The following TSHZ2 variants were observed in gnomAD, a reference collection of about 807,000 sequenced individuals.
TSHZ2 encodes the protein teashirt homolog 2.
Under a neutral mutation model 74.4 loss-of-function variants are expected in TSHZ2, and 21 were observed. The ratio of observed to expected loss-of-function variants is 0.28; its 90% CI spans 0.20 to 0.41. TSHZ2 has a LOEUF of 0.41. Ranked by LOEUF, TSHZ2 falls within the 10% of genes least tolerant of loss-of-function variation. The probability of loss-of-function intolerance (pLI) is 1.00; values close to 1 mark genes in which losing one functional copy is unlikely to be tolerated. For synonymous variants in TSHZ2, 540 were observed against 515.3 expected (o/e 1.05, Z -0.65); for missense variants, 1,244 against 1,293.5 (o/e 0.96, Z 0.59).
At chr20:53,323,662 G>A (rs1325166468) in intron 2 of TSHZ2, among the ~76,000 whole-genome samples, 7 of 126,498 alleles carry the variant, frequency 5.5e-5, no homozygotes, top group African/African-American at 1.2e-4. Context: ...TGCAACCTCC[G>A]ACTCCCAGGT....
chr20:53,269,654 TTAGAA>T (rs1477400514), intron 2 of TSHZ2, among the ~76,000 whole-genome samples: 1 of 152,198 alleles, frequency 6.6e-6, no homozygotes, highest in African/African-American at 2.4e-5. Context: ...ACACACGAAC[TTAGAA>T]TAGTGCCTGG....
chr20:52,977,421 TACACACACAC>T (rs36230826), intron 1 of TSHZ2, among the ~76,000 whole-genome samples: 3,172 of 141,450 alleles, frequency 0.022, 69 homozygotes, highest in Admixed American at 0.058. Flanking sequence ...AATGGAAAAA[TACACACACAC>T]ACACACACAC....
rs71675648 is a variant in TSHZ2, at chr20:53,223,898, A to AACACACAC, written c.41-29574_41-29567dup. Among the ~76,000 whole-genome samples the AACACACAC allele has an allele frequency of 2.2e-3, 317 of 145,498 alleles. 2 individuals carry two copies. Among genetic ancestry groups the AACACACAC allele is most frequent in the African/African-American group, 7.7e-3 (303 of 39,266 alleles). On this transcript the variant is annotated intron_variant, in intron 1 of 2. Transcript: ENST00000371497. ...ATGTGAAAAAAATGTTACAGGACTA[A>AACACACAC]ACACACACACACACACACACACACA... is the stretch of plus-strand genomic sequence containing the variant.
intron 2 of TSHZ2, among the ~76,000 whole-genome samples, chr20:53,274,003 G>A (rs990462942): frequency 1.1e-4 from 17 of 152,136 alleles, no homozygotes; most frequent in Admixed American, 7.2e-4. Flanking sequence ...ACTAGTGGCC[G>A]GGCGCAGTGA....
chr20:53,246,979 T>C (rs185271228), intron 1 of TSHZ2, among the ~76,000 whole-genome samples: 7 of 152,324 alleles, frequency 4.6e-5, no homozygotes, highest in Admixed American at 4.6e-4. Flanking sequence ...ATTGTTGTTT[T>C]GATGACCACC....
At chr20:53,100,743 C>A (rs1032580846) in intron 1 of TSHZ2, among the ~76,000 whole-genome samples, 3 of 152,216 alleles carry the variant, frequency 2.0e-5, no homozygotes, top group Non-Finnish European at 4.4e-5. Context: ...AAATCACATT[C>A]CACTGCCTTT....
rs1319183835 is a variant in TSHZ2, at chr20:53,254,777, C to A, written c.1319C>A (p.Ser440Tyr). Residue 440 changes from serine (S) to tyrosine (Y), a missense_variant, in exon 2 of 3, where the codon TCT becomes TAT. Ser to Tyr is a moderately radical substitution (Grantham distance 144, BLOSUM62 -2). Around this residue, in one of 6 missense-constraint regions of TSHZ2, gnomAD observed 562 missense variants for 544.0 expected, o/e 1.03. Transcript: ENST00000371497. ...TTGTCTGAGGCCCCAAACAGTGATT[C>A]TCTGGCTCCCAAGCCATCCAGTAAC... The part of the protein sequence containing the change: ...QSLSEAPNSD[S>Y]LAPKPSSNSA... 6.2e-7 allele frequency: 1 copy of A among 1,613,140 alleles called. No individual in the cohort carries two copies. The highest frequency in any genetic ancestry group is 1.3e-5 in the African/African-American group (1 of 74,914).
At chr20:53,080,775 G>A (rs1203734842) in intron 1 of TSHZ2, among the ~76,000 whole-genome samples, 3 of 152,096 alleles carry the variant, frequency 2.0e-5, no homozygotes, top group East Asian at 1.9e-4. Flanking sequence ...GTACCGGCCC[G>A]CGGCCCAGGG....
chr20:53,280,818 G>A (rs1445884230), intron 2 of TSHZ2, among the ~76,000 whole-genome samples: 3 of 151,906 alleles, frequency 2.0e-5, no homozygotes, highest in Non-Finnish European at 2.9e-5. Flanking sequence ...TCAACCTCCC[G>A]AGTAGCTGGG....
At chr20:53,136,614 A>G (rs1227032946) in intron 1 of TSHZ2, among the ~76,000 whole-genome samples, 1 of 152,168 alleles carries the variant, frequency 6.6e-6, no homozygotes, top group Non-Finnish European at 1.5e-5. Context: ...AAAGTATCCA[A>G]TCTCCCTCCC....
chr20:53,282,684 T>TG (rs1242867003), intron 2 of TSHZ2, among the ~76,000 whole-genome samples: 1 of 152,242 alleles, frequency 6.6e-6, no homozygotes. Flanking sequence ...GTTCTGACAC[T>TG]GAAGTCTGTG....
In TSHZ2 at chr20:53,089,462, G is replaced by C. The variant is rs535635562; in HGVS notation, c.40+116129G>C. The stretch of plus-strand genomic sequence containing the variant: ...TCCAAGATTTGGAAAGCTGGTCTTC[G>C]TAAGTCCATTTATTTATTCAACAAA... On this transcript the variant is annotated intron_variant, in intron 1 of 2. Transcript: ENST00000371497. Among the ~76,000 whole-genome samples the C allele has an allele frequency of 2.0e-5, 3 of 151,402 alleles. No individual in the cohort carries two copies. The South Asian group carries it at 6.2e-4, about 31-fold the overall frequency.
At chr20:53,432,815 A>G (rs926185430) in intron 2 of TSHZ2, among the ~76,000 whole-genome samples, 1 of 152,232 alleles carries the variant, frequency 6.6e-6, no homozygotes, top group African/African-American at 2.4e-5. Flanking sequence ...TTTAGGCTGC[A>G]AATAAAAGGC....
intron 2 of TSHZ2, among the ~76,000 whole-genome samples, chr20:53,272,616 G>T (rs140210705): frequency 1.3e-5 from 2 of 152,288 alleles, no homozygotes; most frequent in Non-Finnish European, 2.9e-5. Flanking sequence ...ATGAAGCACA[G>T]TCCCCAGCAT....
At chr20:53,311,550 A>G (rs1978786041) in intron 2 of TSHZ2, among the ~76,000 whole-genome samples, 1 of 152,238 alleles carries the variant, frequency 6.6e-6, no homozygotes, top group Non-Finnish European at 1.5e-5. Context: ...AGCCTGGCAC[A>G]CACAGTGGGC....
intron 2 of TSHZ2, among the ~76,000 whole-genome samples, chr20:53,297,609 C>A (rs10439565): frequency 0.07 from 10,720 of 152,242 alleles, 555 homozygotes; most frequent in East Asian, 0.24. Flanking sequence ...TCTTGGGCAA[C>A]CTGGGGGTAG....
At chr20:53,008,316 C>G (rs138431970) in intron 1 of TSHZ2, among the ~76,000 whole-genome samples, 1 of 152,138 alleles carries the variant, frequency 6.6e-6, no homozygotes, top group Non-Finnish European at 1.5e-5. Flanking sequence ...GTGGTTAATT[C>G]ATGGCTTATT....
At chr20:53,393,665 AACACACAC>A (rs113428598) in intron 2 of TSHZ2, among the ~76,000 whole-genome samples, 5 of 148,440 alleles carry the variant, frequency 3.4e-5, no homozygotes, top group Admixed American at 6.7e-5. Flanking sequence ...TACACACGCA[AACACACAC>A]ACACACACAC....
rs745999760 is a variant in TSHZ2, at chr20:53,253,846, G to T, written c.388G>T (p.Ala130Ser). The part of the protein sequence containing the change: ...NCMDKMTAVY[A>S]NILSDSYWSG... ...CATGGATAAAATGACCGCTGTCTAC[G>T]CCAACATCCTGTCGGATTCCTACTG... The change falls in exon 2 of 3, where the codon GCC (alanine) becomes TCC (serine). Residue 130 changes from alanine to serine, a missense_variant. Coordinates refer to ENST00000371497, the MANE Select transcript of TSHZ2 (RefSeq NM_173485.6). 2.5e-6 allele frequency: 4 copies of T among 1,614,030 alleles called. No homozygotes were observed. In the African/African-American group the frequency reaches 5.3e-5, roughly 22 times the overall value.
Sources: allele counts gnomAD v4.1 joint callset (sites outside exome capture counted in the v4.1 genomes callset), GRCh38; gene constraint gnomAD v4.1.1; regional missense constraint gnomAD v4.1.1; transcripts MANE v1.5; gene names NCBI Gene and HGNC (gene_info 2026-07-23, HGNC 2026-07-21).